The following CAMK4 variants were observed in gnomAD, a reference collection of about 807,000 sequenced individuals.
The protein encoded by CAMK4 is calcium/calmodulin dependent protein kinase IV.
A neutral mutation model predicts 44.9 loss-of-function variants in CAMK4; 22 were observed. That is an observed-to-expected ratio of 0.49 (90% CI 0.35 to 0.70). The LOEUF (loss-of-function observed/expected upper bound fraction) is 0.70. Among genes scored for constraint, CAMK4 ranks in the 30% least tolerant of loss-of-function variants. The probability of loss-of-function intolerance (pLI) is 0.01; values close to 1 mark genes in which losing one functional copy is unlikely to be tolerated. For synonymous variants in CAMK4, 218 were observed against 215.4 expected (o/e 1.01, Z -0.11); for missense variants, 498 against 586.8 (o/e 0.85, Z 1.56).
At chr5:111,224,341 G>C (rs111991449), upstream of CAMK4, 11 of 1,204,272 alleles carry the variant, frequency 9.1e-6, no homozygotes, top group African/African-American at 1.5e-4. The surrounding 1 kb of genome is among the most constrained non-coding windows in gnomAD (Gnocchi z 5.7). Context: ...CTGCGAGCGC[G>C]GGCGGCGGCG....
intron 1 of CAMK4, among the ~76,000 whole-genome samples, chr5:111,318,113 G>A (rs1210413920): frequency 6.6e-6 from 1 of 152,058 alleles, no homozygotes; most frequent in African/African-American, 2.4e-5. Context: ...ACTAGTAATG[G>A]TTGGTTTGTG....
At chr5:111,228,509 G>GGTGTGTGTGTGT (rs373248608) in intron 1 of CAMK4, among the ~76,000 whole-genome samples, 1,754 of 145,312 alleles carry the variant, frequency 0.012, 12 homozygotes, top group Admixed American at 0.018. Flanking sequence ...CATAGTAAGG[G>GGTGTGTGTGTGT]GTGTGTGTGT....
Position 111,484,113 on chromosome 5 carries a change from C to T in CAMK4, c.1069C>T (p.Arg357Ter), listed in dbSNP as rs1262167336. ...CATCCAGGAGAGCCACAAGGCTAGC[C>T]GAGACCCTTCTCCAATCCAAGATGG... ...GSIQESHKAS[R>*]DPSPIQDGNE... is the part of the protein sequence containing the mutation. Residue 357 changes from arginine (R) to a stop codon, truncating the protein, a stop_gained, in exon 11 of 11, where the codon CGA becomes TGA. Transcript: ENST00000282356. LOFTEE classifies it low-confidence loss of function (END_TRUNC). This position sits in a 1 kb window ranked among gnomAD's most constrained non-coding sequence, Gnocchi z 5.3. 6 of 1,613,928 alleles carry T rather than the reference C, an allele frequency of 3.7e-6. No individual in the cohort carries two copies. The highest frequency in any genetic ancestry group is 1.7e-5 in the Admixed American group (1 of 59,980).
chr5:111,300,547 G>A (rs1554058736), intron 1 of CAMK4, among the ~76,000 whole-genome samples: 3 of 151,840 alleles, frequency 2.0e-5, no homozygotes, highest in African/African-American at 7.2e-5. Flanking sequence ...CTCCTTTTTT[G>A]TTAAAATGTT....
At chr5:111,345,258 C>G (rs1171769357) in intron 2 of CAMK4, among the ~76,000 whole-genome samples, 1 of 151,856 alleles carries the variant, frequency 6.6e-6, no homozygotes, top group Non-Finnish European at 1.5e-5. Flanking sequence ...TAATGAAAGT[C>G]AGTAATAATT....
At chr5:111,359,193 A>G (rs114506423) in intron 2 of CAMK4, among the ~76,000 whole-genome samples, 3,517 of 152,210 alleles carry the variant, frequency 0.023, 65 homozygotes, top group Non-Finnish European at 0.033. Context: ...CCAACAGTGT[A>G]TGAGTGTTCC....
chr5:111,409,148 T>C (rs1752542452), intron 5 of CAMK4, among the ~76,000 whole-genome samples: 2 of 152,208 alleles, frequency 1.3e-5, no homozygotes, highest in Admixed American at 1.3e-4. Context: ...GTGTGGGGGC[T>C]ACAACCCTAT....
At chr5:111,480,440 C>G (rs1755397447) in intron 9 of CAMK4, among the ~76,000 whole-genome samples, 1 of 152,098 alleles carries the variant, frequency 6.6e-6, no homozygotes, top group African/African-American at 2.4e-5. Context: ...TCATAACAGT[C>G]ATCACTTATA....
chr5:111,487,123 AAAT>A lies in CAMK4; in HGVS notation c.*2662_*2664del, dbSNP rs1755659194. Reference sequence around the variant, plus strand: ...TGTCTATCTCAAAGATTACTTAGCTAAATAATAGTAGACAAATGGAGATTTAAT... The same window carrying A: ...TGTCTATCTCAAAGATTACTTAGCTAAATAGTAGACAAATGGAGATTTAAT... On this transcript the variant is annotated 3_prime_UTR_variant, in exon 11 of 11. Coordinates refer to ENST00000282356, the MANE Select transcript of CAMK4 (RefSeq NM_001744.6). 6.6e-6 allele frequency: 1 copy of A among 152,244 alleles called. No homozygotes were observed. The highest frequency in any genetic ancestry group is 1.5e-5 in the Non-Finnish European group (1 of 68,036). 9.4% of individuals were successfully genotyped at this position (152,244 alleles called of 1,614,324 possible).
At chr5:111,236,993 C>T (rs536378945) in intron 1 of CAMK4, among the ~76,000 whole-genome samples, 26 of 152,246 alleles carry the variant, frequency 1.7e-4, no homozygotes, top group African/African-American at 5.5e-4. Context: ...TTTTTCTATA[C>T]GAACCCACTT....
intron 10 of CAMK4, 107 bp from the exon 11 acceptor site, chr5:111,483,919 T>TA: frequency 1.2e-6 from 1 of 820,904 alleles, no homozygotes; most frequent in Non-Finnish European, 1.8e-6. Context: ...TTGAAAACTT[T>TA]AACGCTAACC....
At chr5:111,376,058 G>A (rs1163409817) in intron 3 of CAMK4, among the ~76,000 whole-genome samples, 3 of 151,998 alleles carry the variant, frequency 2.0e-5, no homozygotes, top group Non-Finnish European at 4.4e-5. Context: ...TCCACAATTT[G>A]GGGCTAGATA....
At chr5:111,404,428 G>A (rs1752341923) in intron 5 of CAMK4, among the ~76,000 whole-genome samples, 1 of 152,222 alleles carries the variant, frequency 6.6e-6, no homozygotes, top group African/African-American at 2.4e-5. Context: ...CTGAGGGTCA[G>A]TTAATCAGTG....
chr5:111,224,551 C>T lies in CAMK4; in HGVS notation c.68C>T (p.Pro23Leu). 1 of 1,610,668 alleles carries T rather than the reference C, an allele frequency of 6.2e-7. No homozygotes were observed. The highest frequency in any genetic ancestry group is 8.5e-7 in the Non-Finnish European group (1 of 1,179,214). Residue 23 changes from proline to leucine, a missense_variant, in exon 1 of 11, where the codon CCG (proline) becomes CTG (leucine). By Grantham distance (98) the Pro-to-Leu change is moderately conservative. This residue lies in a region of CAMK4 where 152 missense variants were observed against 143.7 expected (regional missense o/e 1.06). Transcript: ENST00000282356. The surrounding 1 kb of genome is among the most constrained non-coding windows in gnomAD (Gnocchi z 5.7). ...SCSSVTASAAPGTASLVPDYW... is the reference protein window; with the variant it reads ...SCSSVTASAALGTASLVPDYW... ...TCTTCGGTCACCGCCAGTGCGGCCC[C>T]GGGGACCGCGAGCCTCGTCCCGGAT...
chr5:111,439,640 A>G (rs1442706613), intron 5 of CAMK4, among the ~76,000 whole-genome samples: 4 of 152,178 alleles, frequency 2.6e-5, no homozygotes, highest in Non-Finnish European at 5.9e-5. Flanking sequence ...TAAAGTAGAA[A>G]GTTGAATGGA....
At chr5:111,296,822 T>A (rs1220230201) in intron 1 of CAMK4, among the ~76,000 whole-genome samples, 3 of 152,224 alleles carry the variant, frequency 2.0e-5, no homozygotes, top group Non-Finnish European at 4.4e-5. Context: ...TCTGATTCAG[T>A]AGCAGCAGTT....
chr5:111,484,458 G>C lies in CAMK4; in HGVS notation c.1414G>C (p.Glu472Gln), dbSNP rs202093306. 1 of 1,516,578 alleles carries C rather than the reference G, an allele frequency of 6.6e-7. No homozygotes were observed. Among genetic ancestry groups the C allele is most frequent in the Non-Finnish European group, 8.8e-7 (1 of 1,133,886 alleles). The allele number at this position is 1,516,578 out of a possible 1,614,324, so 93.9% of individuals were successfully genotyped here. ...TCCACAGCAAGATGTGATCCTGCCA[G>C]AGTACTAAACAGCTTCCTTCAGATC... ...EVPQQDVILP[E>Q]Y The change falls in exon 11 of 11, where the codon GAG becomes CAG. Residue 472 changes from glutamate to glutamine, a missense_variant. By Grantham distance (29) the Glu-to-Gln change is conservative. Coordinates refer to ENST00000282356, the MANE Select transcript of CAMK4 (RefSeq NM_001744.6). This position sits in a 1 kb window ranked among gnomAD's most constrained non-coding sequence, Gnocchi z 5.3.
chr5:111,302,581 C>A (rs1187322237), intron 1 of CAMK4: 1 of 66,308 alleles, frequency 1.5e-5, no homozygotes, highest in East Asian at 3.8e-4. Flanking sequence ...CCACACCTGG[C>A]TCAGAGGGTC....
intron 5 of CAMK4, among the ~76,000 whole-genome samples, 192 bp downstream of exon 5, chr5:111,394,974 T>A (rs1390528299): frequency 6.6e-6 from 1 of 152,038 alleles, no homozygotes; most frequent in Non-Finnish European, 1.5e-5. Flanking sequence ...TTTGGGAGGC[T>A]GAGGCAGGCA....
Sources: gnomAD v4.1 joint callset for allele counts (sites outside exome capture counted in the v4.1 genomes callset) on GRCh38, gnomAD v4.1.1 for gene constraint, gnomAD v4.1.1 regional missense constraint, Gnocchi (gnomAD v3.1) non-coding constraint, MANE v1.5 for transcripts, NCBI Gene and HGNC (gene_info 2026-07-23, HGNC 2026-07-21) for gene names.